Variants in UNC79 observed in about 807,000 individuals in gnomAD.
UNC79 encodes the protein unc-79 subunit of NALCN channel complex.
A neutral mutation model predicts 283.1 loss-of-function variants in UNC79; 37 were observed. The observed-to-expected ratio is 0.13, with a 90% CI of 0.10 to 0.17. UNC79 has a LOEUF of 0.17. Among genes scored for constraint, UNC79 ranks in the 10% least tolerant of loss-of-function variants. The pLI is 1.00. For missense variants in UNC79, 2,272 were observed against 3,211.1 expected, an observed-to-expected ratio of 0.71 and a Z score of 7.07; for synonymous variants, 1,107 against 1,200.2, an observed-to-expected ratio of 0.92 and a Z score of 1.61.
intron 1 of UNC79, among the ~76,000 whole-genome samples, chr14:93,390,029 G>A (rs1456997720): frequency 1.3e-5 from 2 of 152,158 alleles, no homozygotes; most frequent in Non-Finnish European, 2.9e-5. Flanking sequence ...GAAACTATAG[G>A]TTAATCTCTC....
intron 1 of UNC79, among the ~76,000 whole-genome samples, chr14:93,447,925 G>C (rs1314511278): frequency 2.0e-5 from 3 of 151,900 alleles, no homozygotes; most frequent in Non-Finnish European, 4.4e-5. Flanking sequence ...TTTATTTTTG[G>C]CTTTCAACAG....
chr14:93,367,020 C>G (rs555083099), intron 1 of UNC79, among the ~76,000 whole-genome samples: 1 of 152,264 alleles, frequency 6.6e-6, no homozygotes, highest in South Asian at 2.1e-4. Flanking sequence ...TCACAGACAT[C>G]TATTTTTTTC....
Position 93,690,137 on chromosome 14 carries a change from G to A in UNC79, c.7106G>A (p.Cys2369Tyr). 1 of 1,614,094 alleles carries A rather than the reference G, an allele frequency of 6.2e-7. No homozygotes were observed. The highest frequency in any genetic ancestry group is 1.1e-5 in the South Asian group (1 of 91,058). The change falls in exon 45 of 49, where the codon TGT becomes TAT. Residue 2369 changes from cysteine (C) to tyrosine (Y), a missense_variant. Physicochemically the swap from Cys to Tyr is radical, Grantham distance 194. Transcript: ENST00000555664. The surrounding 1 kb of genome is among the most constrained non-coding windows in gnomAD (Gnocchi z 4.3). ...AATAGACCTAAAGAATTCATTGAGT[G>A]TGTCTCCCATATCCGACTGTTGTCC...
chr14:93,334,294 G>C (rs1426573544), intron 1 of UNC79, among the ~76,000 whole-genome samples: 1 of 152,104 alleles, frequency 6.6e-6, no homozygotes, highest in Non-Finnish European at 1.5e-5. Context: ...TTTCCAATTT[G>C]TATTACTTCA....
At chr14:93,654,750 C>A (rs1266947386) in intron 37 of UNC79, among the ~76,000 whole-genome samples, 1 of 152,124 alleles carries the variant, frequency 6.6e-6, no homozygotes, top group African/African-American at 2.4e-5. Flanking sequence ...ACCTTGCTTC[C>A]ACAGAACAAC....
At chr14:93,359,534 C>T (rs1457420832) in intron 1 of UNC79, among the ~76,000 whole-genome samples, 1 of 152,186 alleles carries the variant, frequency 6.6e-6, no homozygotes, top group Non-Finnish European at 1.5e-5. Flanking sequence ...CAATCAAAGG[C>T]AAGGTCAGCA....
chr14:93,401,119 G>A (rs1422410511), intron 1 of UNC79, among the ~76,000 whole-genome samples: 2 of 152,214 alleles, frequency 1.3e-5, no homozygotes, highest in African/African-American at 4.8e-5. Context: ...AGTTAAAAAT[G>A]TGAGCTTGAA....
chr14:93,420,259 A>G (rs2055566338), intron 1 of UNC79, among the ~76,000 whole-genome samples: 1 of 151,692 alleles, frequency 6.6e-6, no homozygotes, highest in Admixed American at 6.6e-5. Flanking sequence ...ACTGAAAACA[A>G]AGGGATAGAA....
At chr14:93,440,002 C>G (rs2056234635) in intron 1 of UNC79, among the ~76,000 whole-genome samples, 1 of 151,448 alleles carries the variant, frequency 6.6e-6, no homozygotes, top group African/African-American at 2.4e-5. Flanking sequence ...TTTTTGCATC[C>G]ATGGATTCAA....
At chr14:93,656,720 C>T (rs1409023060) in intron 38 of UNC79, among the ~76,000 whole-genome samples, 3 of 152,100 alleles carry the variant, frequency 2.0e-5, no homozygotes, top group African/African-American at 7.2e-5. Flanking sequence ...TACCTTTTGT[C>T]CCAGCTACTT....
upstream of UNC79, among the ~76,000 whole-genome samples, chr14:93,427,859 C>A (rs1194283605): frequency 1.3e-5 from 2 of 151,976 alleles, no homozygotes; most frequent in African/African-American, 2.4e-5. Flanking sequence ...TAAAACAATG[C>A]AACATGACAA....
chr14:93,456,897 A>T (rs2056810688), intron 1 of UNC79, among the ~76,000 whole-genome samples: 1 of 152,144 alleles, frequency 6.6e-6, no homozygotes, highest in South Asian at 2.1e-4. Flanking sequence ...CCATCCTTGA[A>T]GATATGATCC....
chr14:93,540,321 A>C (rs766979223), intron 12 of UNC79, among the ~76,000 whole-genome samples: 7 of 152,244 alleles, frequency 4.6e-5, no homozygotes, highest in Non-Finnish European at 8.8e-5. Flanking sequence ...CATGATAGAT[A>C]TAGAGGAAGC....
At chr14:93,337,579 A>G (rs2053606068) in intron 1 of UNC79, among the ~76,000 whole-genome samples, 1 of 152,200 alleles carries the variant, frequency 6.6e-6, no homozygotes, top group Non-Finnish European at 1.5e-5. Context: ...GCCACCTCAC[A>G]TGATAGGAAG....
chr14:93,467,586 ATACATAT>A, intron 1 of UNC79, 78 bp from the exon 2 acceptor site: 1 of 1,232,496 alleles, frequency 8.1e-7, no homozygotes, highest in Non-Finnish European at 1.0e-6. Flanking sequence ...TGTATGCCTA[ATACATAT>A]TACAAGATGA....
At chr14:93,544,011 A>AAATTTCCC (rs1465069169) in intron 14 of UNC79, among the ~76,000 whole-genome samples, 2 of 152,216 alleles carry the variant, frequency 1.3e-5, no homozygotes, top group Non-Finnish European at 2.9e-5. Flanking sequence ...TGCCTAAAGG[A>AAATTTCCC]AATTTCCCAT....
At chr14:93,662,332 G>A (rs561848622) in intron 39 of UNC79, among the ~76,000 whole-genome samples, 1 of 152,268 alleles carries the variant, frequency 6.6e-6, no homozygotes, top group South Asian at 2.1e-4. Context: ...CGAAGACAGG[G>A]TTGTAGTAAG....
chr14:93,707,514 T>C (rs2075941972), downstream of UNC79: 1 of 152,326 alleles, frequency 6.6e-6, no homozygotes, highest in Non-Finnish European at 1.5e-5. Context: ...AAAACTAGTT[T>C]TTCAACTCAT....
intron 48 of UNC79, among the ~76,000 whole-genome samples, chr14:93,705,057 A>C (rs1455306054): frequency 1.3e-5 from 2 of 152,074 alleles, no homozygotes; most frequent in Non-Finnish European, 2.9e-5. Flanking sequence ...CAACATAGCG[A>C]GACCCCATCT....
Sources: allele counts gnomAD v4.1 joint callset (sites outside exome capture counted in the v4.1 genomes callset), GRCh38; gene constraint gnomAD v4.1.1; non-coding constraint Gnocchi (gnomAD v3.1); transcripts MANE v1.5; gene names NCBI Gene and HGNC (gene_info 2026-07-23, HGNC 2026-07-21).